COLEC11: variants seen among roughly 807,000 people sequenced by gnomAD.
COLEC11 encodes collectin-11.
COLEC11 carries 20 observed loss-of-function variants against 27.3 expected under a neutral mutation model. The observed-to-expected ratio is 0.73, with a 90% CI of 0.51 to 1.06. The LOEUF is 1.06. Among genes scored for constraint, COLEC11 ranks in the 50% least tolerant of loss-of-function variants. The probability of loss-of-function intolerance (pLI) is 0.00; values close to 1 mark genes in which losing one functional copy is unlikely to be tolerated. For missense variants in COLEC11, 310 were observed against 383.0 expected (o/e 0.81, Z 1.59); for synonymous variants, 163 against 154.7 (o/e 1.05, Z -0.40).
Position 3,644,471 on chromosome 2 carries a change from G to A in COLEC11, c.*353G>A, listed in dbSNP as rs1666122692. 1 of 502,380 alleles carries A rather than the reference G, an allele frequency of 2.0e-6. No individual in the cohort carries two copies. Among genetic ancestry groups the A allele is most frequent in the Non-Finnish European group, 3.9e-6 (1 of 259,596 alleles). 31.1% of individuals were successfully genotyped at this position (502,380 alleles called of 1,614,324 possible). Reference sequence around the variant, plus strand: ...AGTTAAGTCCAAATAGTGGCAATGGGGTCTTGAATTACTACCTTTTAATTT... The same window carrying A: ...AGTTAAGTCCAAATAGTGGCAATGGAGTCTTGAATTACTACCTTTTAATTT... On this transcript the variant is annotated 3_prime_UTR_variant, in exon 7 of 7. Coordinates refer to ENST00000349077, the MANE Select transcript of COLEC11 (RefSeq NM_024027.5).
At chr2:3,619,229 CCCCTTTCCTTTT>C (rs1439527226) in intron 3 of COLEC11, among the ~76,000 whole-genome samples, 1 of 150,880 alleles carries the variant, frequency 6.6e-6, no homozygotes, top group Non-Finnish European at 1.5e-5. Context: ...TCTTTCCTTT[CCCCTTTCCTTTT>C]CTCTCCTTTC....
chr2:3,644,089 A>G lies in COLEC11; in HGVS notation c.787A>G (p.Met263Val). ...GGCCTGCCACACCACCATGTACTTC[A>G]TGTGTGAGTTTGACAAGGAGAACAT... ...DVACHTTMYF[M>V]CEFDKENM is the part of the protein sequence containing the mutation. The change falls in exon 7 of 7, where the codon ATG (methionine) becomes GTG (valine). Residue 263 changes from methionine (M) to valine (V), a missense_variant. Physicochemically the swap from Met to Val is conservative, Grantham distance 21. Transcript: ENST00000349077. 2 of 1,613,264 alleles carry G rather than the reference A, an allele frequency of 1.2e-6. No individual in the cohort carries two copies. The highest frequency in any genetic ancestry group is 1.7e-6 in the Non-Finnish European group (2 of 1,180,030).
At chr2:3,610,483 C>T (rs906272312) in intron 2 of COLEC11, among the ~76,000 whole-genome samples, 2 of 152,154 alleles carry the variant, frequency 1.3e-5, no homozygotes, top group South Asian at 2.1e-4. Flanking sequence ...GTCATGTAGG[C>T]GGTGTGAAAT....
chr2:3,616,797 G>GGGGAGA (rs1203525585), intron 3 of COLEC11, among the ~76,000 whole-genome samples: 7 of 145,048 alleles, frequency 4.8e-5, no homozygotes, highest in Admixed American at 2.0e-4. Flanking sequence ...GGGAGACCGT[G>GGGGAGA]GGGAGAGGGA....
chr2:3,642,601 CCTCT>C (rs1306731034), intron 5 of COLEC11, among the ~76,000 whole-genome samples: 15 of 152,232 alleles, frequency 9.9e-5, no homozygotes, highest in African/African-American at 3.4e-4. Flanking sequence ...CCGCAGAGCT[CCTCT>C]CTAGCGGCCT....
chr2:3,603,501 G>C (rs1343108505), intron 1 of COLEC11: 3 of 705,918 alleles, frequency 4.2e-6, no homozygotes, highest in Non-Finnish European at 7.5e-6. Flanking sequence ...ATTTTTAGAA[G>C]ACATGCGGTT....
At chr2:3,636,501 C>T (rs1156374086) in intron 3 of COLEC11, among the ~76,000 whole-genome samples, 5 of 152,214 alleles carry the variant, frequency 3.3e-5, no homozygotes, top group African/African-American at 1.2e-4. Flanking sequence ...CAGGATTGCC[C>T]ACATTGAATT....
At chr2:3,612,021 C>G (rs1235379812) in intron 2 of COLEC11, among the ~76,000 whole-genome samples, 1 of 147,670 alleles carries the variant, frequency 6.8e-6, no homozygotes, top group African/African-American at 2.6e-5. Context: ...TTTTATCATA[C>G]TGGAACAGCT....
intron 3 of COLEC11, among the ~76,000 whole-genome samples, chr2:3,626,904 G>A (rs1052083256): frequency 3.3e-5 from 5 of 152,252 alleles, no homozygotes; most frequent in African/African-American, 1.2e-4. Flanking sequence ...AGATGGGCTG[G>A]GAACCAGGAC....
rs1662463219 is a variant in COLEC11, at chr2:3,604,319, T to TG, written c.-20dup. On this transcript the variant is annotated 5_prime_UTR_variant, in exon 2 of 7. Transcript: ENST00000349077. ...TTTATTCCTTCCTCTGTGTAGGAGT[T>TG]GGTGTCCTGCCTGCGCTCAGGATGA... is the stretch of plus-strand genomic sequence containing the variant. 1.2e-6 allele frequency: 2 copies of TG among 1,613,450 alleles called. No homozygotes were observed. Among genetic ancestry groups the TG allele is most frequent in the Non-Finnish European group, 1.7e-6 (2 of 1,179,736 alleles).
At chr2:3,614,614 T>C (rs1663512964) in intron 3 of COLEC11, among the ~76,000 whole-genome samples, 2 of 152,122 alleles carry the variant, frequency 1.3e-5, no homozygotes, top group Admixed American at 1.3e-4. Context: ...CTTTAAAAAA[T>C]CTTCAACACA....
rs1387209037 is a variant in COLEC11, at chr2:3,643,536, A to G, written c.421A>G (p.Asn141Asp). Residue 141 changes from asparagine to aspartate, a missense_variant, in exon 6 of 7, where the codon AAT becomes GAT. By Grantham distance (23) the Asn-to-Asp change is conservative (BLOSUM62 1). Coordinates refer to ENST00000349077, the MANE Select transcript of COLEC11 (RefSeq NM_024027.5). Reference sequence around the variant, plus strand: ...GACCAGCGAGCTCAAGTTCATCAAGAATGGTATGTGGCTCCCGGCGCCGCC... The same window carrying G: ...GACCAGCGAGCTCAAGTTCATCAAGGATGGTATGTGGCTCCCGGCGCCGCC... ...QLTSELKFIKNAVAGVRETES... is the reference protein window; with the variant it reads ...QLTSELKFIKDAVAGVRETES... 1 of 1,613,410 alleles carries G rather than the reference A, an allele frequency of 6.2e-7. No homozygotes were observed. Among genetic ancestry groups the G allele is most frequent in the Admixed American group, 1.7e-5 (1 of 60,014 alleles).
chr2:3,643,398 C>T (rs200256696), intron 5 of COLEC11, 46 bp from the exon 6 acceptor site: 100 of 1,491,266 alleles, frequency 6.7e-5, no homozygotes, highest in East Asian at 5.9e-4. Context: ...CTTCTGAGTC[C>T]GAGTCCTCAT....
At chr2:3,627,647 A>G (rs1378577991) in intron 3 of COLEC11, among the ~76,000 whole-genome samples, 4 of 148,816 alleles carry the variant, frequency 2.7e-5, no homozygotes, top group Admixed American at 6.7e-5. Flanking sequence ...GGATCTGGGC[A>G]TAATGACTCT....
intron 5 of COLEC11, among the ~76,000 whole-genome samples, chr2:3,641,019 C>A (rs1389715207): frequency 8.0e-5 from 8 of 100,598 alleles, no homozygotes; most frequent in Admixed American, 7.3e-4. Context: ...ACGGTGGACA[C>A]CCACCCACCA....
At chr2:3,608,953 C>G (rs2147869814) in intron 2 of COLEC11, among the ~76,000 whole-genome samples, 1 of 152,284 alleles carries the variant, frequency 6.6e-6, no homozygotes, top group South Asian at 2.1e-4. Flanking sequence ...CTGAGGAGGA[C>G]CAGGCTGGGA....
intron 3 of COLEC11, among the ~76,000 whole-genome samples, chr2:3,619,220 C>T (rs1327165726): frequency 1.3e-5 from 2 of 149,254 alleles, no homozygotes; most frequent in Non-Finnish European, 3.0e-5. Flanking sequence ...CTTTCCTTTT[C>T]TTTCCTTTCC....
intron 3 of COLEC11, among the ~76,000 whole-genome samples, chr2:3,620,950 C>T (rs375117111): frequency 2.0e-5 from 3 of 152,202 alleles, no homozygotes; most frequent in Admixed American, 6.5e-5. Context: ...TGTGGCCTAA[C>T]GTATGAGCTA....
chr2:3,601,323 C>T (rs1662203841), intron 1 of COLEC11, among the ~76,000 whole-genome samples: 1 of 152,008 alleles, frequency 6.6e-6, no homozygotes, highest in Non-Finnish European at 1.5e-5. Context: ...TTTTTTGAGA[C>T]AGGGTCTCAC....
Sources: allele counts gnomAD v4.1 joint callset (sites outside exome capture counted in the v4.1 genomes callset), GRCh38; gene constraint gnomAD v4.1.1; transcripts MANE v1.5; gene names NCBI Gene and HGNC (gene_info 2026-07-23, HGNC 2026-07-21).